Variants in ELMO1 observed in about 807,000 individuals in gnomAD.
ELMO1 encodes engulfment and cell motility protein 1.
Under a neutral mutation model 98.9 loss-of-function variants are expected in ELMO1, and 26 were observed. That is an observed-to-expected ratio of 0.26 (90% CI 0.19 to 0.36). The LOEUF is 0.36. Ranked by LOEUF, ELMO1 falls within the 10% of genes least tolerant of loss-of-function variation. The pLI, the probability that ELMO1 is intolerant of heterozygous loss-of-function variation, is 1.00. For synonymous variants in ELMO1, 346 were observed against 346.0 expected, an observed-to-expected ratio of 1.00 and a Z score of 0.00; for missense variants, 627 against 935.2, an observed-to-expected ratio of 0.67 and a Z score of 4.30.
In ELMO1 at chr7:37,222,686, G is replaced by C; in HGVS notation, c.709C>G (p.Gln237Glu). The stretch of plus-strand genomic sequence containing the variant: ...GCAATAGTATAGGTTTGGATTTCTT[G>C]ATCTGACCTGTAAAGATAGAGAACA... ...QLIPHLQGSD[Q>E]EIQTYTIAVI... Residue 237 changes from glutamine (Q) to glutamate (E), a missense_variant, in exon 10 of 22, where the codon CAA (glutamine) becomes GAA (glutamate). By Grantham distance (29) the Gln-to-Glu change is conservative (BLOSUM62 2). This residue lies in a region of ELMO1 where 492 missense variants were observed against 715.6 expected (regional missense o/e 0.69). Coordinates refer to ENST00000310758, the MANE Select transcript of ELMO1 (RefSeq NM_014800.11). The C allele has an allele frequency of 6.2e-7, 1 of 1,613,728 alleles. No homozygotes were observed.
intron 15 of ELMO1, among the ~76,000 whole-genome samples, chr7:37,073,741 A>G (rs1797408508): frequency 6.6e-6 from 1 of 151,852 alleles, no homozygotes; most frequent in Non-Finnish European, 1.5e-5. Flanking sequence ...ACATACCACC[A>G]TGTCCAGGTA....
At chr7:37,402,982 A>G (rs1284264433) in intron 1 of ELMO1, among the ~76,000 whole-genome samples, 3 of 152,254 alleles carry the variant, frequency 2.0e-5, no homozygotes, top group African/African-American at 7.2e-5. Context: ...ATGTCCATAC[A>G]AAAACCTGCA....
chr7:37,331,333 C>T (rs1290673237), intron 2 of ELMO1, among the ~76,000 whole-genome samples: 76 of 28,722 alleles, frequency 2.6e-3, no homozygotes, highest in Admixed American at 5.7e-3. Flanking sequence ...CCACGCCTGG[C>T]TTTTTTTTTT....
chr7:36,885,412 A>G (rs1804884585), intron 18 of ELMO1, among the ~76,000 whole-genome samples: 1 of 152,134 alleles, frequency 6.6e-6, no homozygotes, highest in Non-Finnish European at 1.5e-5. Context: ...CAACCTACCC[A>G]CTTCAACCTA....
Position 37,310,845 on chromosome 7 carries a change from C to G in ELMO1, c.192+4005G>C, listed in dbSNP as rs538834415. Among the ~76,000 whole-genome samples, 5 of 152,280 alleles carry G rather than the reference C, an allele frequency of 3.3e-5. No homozygotes were observed. The South Asian group carries it at 1.0e-3, about 32-fold the overall frequency. ...CCACAAGTTGTTGAGTAACCTCTCT[C>G]AGTCTCACTTTTCTCGTAAAATGAA... On this transcript the variant is annotated intron_variant, in intron 4 of 21. Coordinates refer to ENST00000310758, the MANE Select transcript of ELMO1 (RefSeq NM_014800.11).
intron 1 of ELMO1, among the ~76,000 whole-genome samples, chr7:37,448,113 C>T (rs1305374442): frequency 6.6e-6 from 1 of 152,040 alleles, no homozygotes; most frequent in Admixed American, 6.5e-5. Flanking sequence ...GCCCCCATTC[C>T]TCTGGCCCAT....
intron 13 of ELMO1, among the ~76,000 whole-genome samples, chr7:37,158,042 C>G (rs1197459594): frequency 4.6e-5 from 7 of 151,018 alleles, no homozygotes; most frequent in African/African-American, 7.3e-5. Flanking sequence ...CTGACAAAAA[C>G]AAGAAATAGG....
chr7:36,861,030 A>G (rs189257947), intron 21 of ELMO1, among the ~76,000 whole-genome samples: 3 of 152,364 alleles, frequency 2.0e-5, no homozygotes, highest in Admixed American at 2.0e-4. Flanking sequence ...AAAAGTTTCA[A>G]GCATGATGTT....
chr7:37,155,503 A>AAAAAAAAAAAAAAAAAAAAAT (rs61189239), intron 13 of ELMO1, among the ~76,000 whole-genome samples: 13 of 131,768 alleles, frequency 9.9e-5, no homozygotes, highest in East Asian at 2.3e-4. Flanking sequence ...AAAAAAAAAA[A>AAAAAAAAAAAAAAAAAAAAAT]AAAAAGCAGG....
intron 21 of ELMO1, among the ~76,000 whole-genome samples, chr7:36,860,276 C>T (rs1181770918): frequency 6.6e-6 from 1 of 152,158 alleles, no homozygotes; most frequent in Non-Finnish European, 1.5e-5. Context: ...AACCCCCATG[C>T]TATTCAAGGG....
chr7:36,973,409 C>T (rs930834782), intron 16 of ELMO1, among the ~76,000 whole-genome samples: 3 of 152,246 alleles, frequency 2.0e-5, no homozygotes, highest in African/African-American at 7.2e-5. Flanking sequence ...TCTCTATCAG[C>T]TACCATCTAA....
intron 4 of ELMO1, among the ~76,000 whole-genome samples, chr7:37,281,378 T>C (rs1339258795): frequency 6.6e-6 from 1 of 152,052 alleles, no homozygotes; most frequent in East Asian, 1.9e-4. Flanking sequence ...CAATAACTTA[T>C]GGGAAATAAA....
At chr7:37,345,547 T>TA (rs1040723924) in intron 1 of ELMO1, among the ~76,000 whole-genome samples, 1 of 151,956 alleles carries the variant, frequency 6.6e-6, no homozygotes, top group African/African-American at 2.4e-5. Flanking sequence ...TCATCTCTAC[T>TA]AAAAAATACA....
intron 13 of ELMO1, among the ~76,000 whole-genome samples, chr7:37,136,294 A>G (rs78567309): frequency 0.023 from 3,489 of 152,324 alleles, 140 homozygotes; most frequent in African/African-American, 0.08. Flanking sequence ...TTTGGAAAAC[A>G]TATTTCTGGG....
chr7:36,985,976 G>A, intron 16 of ELMO1: 1 of 1,002,908 alleles, frequency 1.0e-6, no homozygotes, highest in Non-Finnish European at 1.2e-6. Flanking sequence ...CTAAGCTGCT[G>A]CCACCACAAA....
chr7:36,858,038 T>A (rs944857134), intron 21 of ELMO1, among the ~76,000 whole-genome samples: 51 of 152,176 alleles, frequency 3.4e-4, no homozygotes, highest in Non-Finnish European at 2.9e-5. Flanking sequence ...TGAGACACAA[T>A]TCTGTTTAAA....
chr7:37,079,610 T>A (rs1797757832), intron 15 of ELMO1, among the ~76,000 whole-genome samples: 1 of 152,146 alleles, frequency 6.6e-6, no homozygotes, highest in Non-Finnish European at 1.5e-5. Context: ...GTGAAATCAC[T>A]CTTGTTCAGG....
chr7:37,019,054 A>C (rs1293537818), intron 15 of ELMO1, among the ~76,000 whole-genome samples: 1 of 152,238 alleles, frequency 6.6e-6, no homozygotes, highest in East Asian at 1.9e-4. Context: ...ATGAGGAGGT[A>C]ACTGTGTAGG....
intron 1 of ELMO1, among the ~76,000 whole-genome samples, chr7:37,426,566 C>T (rs1472121546): frequency 6.6e-6 from 1 of 152,198 alleles, no homozygotes; most frequent in Non-Finnish European, 1.5e-5. Context: ...AAGAGACGCT[C>T]TGTAAAGGTC....
Sources: gnomAD v4.1 joint callset for allele counts (sites outside exome capture counted in the v4.1 genomes callset) on GRCh38, gnomAD v4.1.1 for gene constraint, gnomAD v4.1.1 regional missense constraint, MANE v1.5 for transcripts, NCBI Gene and HGNC (gene_info 2026-07-23, HGNC 2026-07-21) for gene names.